Variants in APBA2 observed in about 807,000 individuals in gnomAD.
APBA2 encodes the protein amyloid-beta A4 precursor protein-binding family A member 2.
A neutral mutation model predicts 75.0 loss-of-function variants in APBA2; 30 were observed. The observed-to-expected ratio is 0.40, with a 90% CI of 0.30 to 0.54. APBA2 has a LOEUF of 0.54. Among genes scored for constraint, APBA2 ranks in the 20% least tolerant of loss-of-function variants. APBA2 has a pLI of 0.49. For synonymous variants in APBA2, 444 were observed against 409.6 expected (o/e 1.08, Z -1.01); for missense variants, 801 against 1,016.1 (o/e 0.79, Z 2.88).
At chr15:29,107,680 C>G (rs1191152122) in intron 12 of APBA2, among the ~76,000 whole-genome samples, 1 of 152,124 alleles carries the variant, frequency 6.6e-6, no homozygotes, top group African/African-American at 2.4e-5. Flanking sequence ...TGAGGCCCCC[C>G]CTCCCAGGGC....
intron 1 of APBA2, among the ~76,000 whole-genome samples, chr15:28,904,141 G>A (rs1487558996): frequency 6.6e-6 from 1 of 152,090 alleles, no homozygotes; most frequent in African/African-American, 2.4e-5. Context: ...TCATTGTATT[G>A]GAAAACAGAG....
At chr15:29,048,159 C>T (rs1403279201) in intron 3 of APBA2, among the ~76,000 whole-genome samples, 2 of 151,948 alleles carry the variant, frequency 1.3e-5, no homozygotes, top group Admixed American at 6.6e-5. Context: ...CCAACCCGGC[C>T]AACATGGCAA....
intron 3 of APBA2, among the ~76,000 whole-genome samples, chr15:29,012,075 C>T (rs570567732): frequency 2.2e-4 from 34 of 152,308 alleles, no homozygotes; most frequent in African/African-American, 7.5e-4. Flanking sequence ...CTGTTGTTAA[C>T]ATCTCACATT....
intron 14 of APBA2, among the ~76,000 whole-genome samples, chr15:29,116,552 C>T (rs143531657): frequency 0.053 from 7,941 of 150,322 alleles, 779 homozygotes; most frequent in African/African-American, 0.19. Context: ...GACATGAACC[C>T]GGGGGGCAGA....
chr15:29,106,330 A>G (rs1282275076), intron 11 of APBA2, among the ~76,000 whole-genome samples: 2 of 149,776 alleles, frequency 1.3e-5, no homozygotes, highest in South Asian at 2.1e-4. Flanking sequence ...GTTGGGGTCA[A>G]TGCCAGGCAC....
At position 29,054,089 on chromosome 15, in the gene APBA2, G is replaced by A. The variant is rs780907005; in HGVS notation, c.205G>A (p.Asp69Asn). Residue 69 changes from aspartate to asparagine, a missense_variant, in exon 4 of 15, where the codon GAT becomes AAT. Physicochemically the swap from Asp to Asn is conservative, Grantham distance 23 (BLOSUM62 1). Transcript: ENST00000683413. The surrounding 1 kb of genome is among the most constrained non-coding windows in gnomAD (Gnocchi z 6.1). ...EEQECHNHSPDGDSSSDYVNN... is the reference protein window; with the variant it reads ...EEQECHNHSPNGDSSSDYVNN... ...ACAGGAGTGCCACAACCACAGCCCC[G>A]ATGGGGACTCCAGCTCTGACTACGT... The A allele has an allele frequency of 6.8e-6, 11 of 1,613,978 alleles. No homozygotes were observed. Among genetic ancestry groups the A allele is most frequent in the Middle Eastern group, 1.7e-4 (1 of 6,018 alleles).
At chr15:29,012,155 A>T (rs2039434154) in intron 3 of APBA2, among the ~76,000 whole-genome samples, 1 of 152,218 alleles carries the variant, frequency 6.6e-6, no homozygotes, top group African/African-American at 2.4e-5. Flanking sequence ...TCCATACTTC[A>T]TTCACATTTT....
intron 2 of APBA2, among the ~76,000 whole-genome samples, chr15:28,971,194 T>C (rs2152752030): frequency 6.6e-6 from 1 of 152,272 alleles, no homozygotes; most frequent in Admixed American, 6.5e-5. Context: ...TTGTTTTTAT[T>C]CTATTTCTTT....
At chr15:29,088,523 G>A (rs1215592781) in intron 6 of APBA2, among the ~76,000 whole-genome samples, 1 of 152,190 alleles carries the variant, frequency 6.6e-6, no homozygotes. Context: ...TCTTCTCTCA[G>A]ACTCCAGTCC....
chr15:28,892,350 C>T (rs181588364), intron 1 of APBA2, among the ~76,000 whole-genome samples: 25 of 152,350 alleles, frequency 1.6e-4, no homozygotes, highest in African/African-American at 4.1e-4. Context: ...GCTGGGATTA[C>T]AGGCGTGAGC....
chr15:28,964,140 A>G (rs527896623), intron 2 of APBA2, among the ~76,000 whole-genome samples: 1 of 152,326 alleles, frequency 6.6e-6, no homozygotes, highest in South Asian at 2.1e-4. Context: ...ACAAGTTTCT[A>G]TGTGAAAACA....
rs113038222 is a variant in APBA2, at chr15:28,994,655, A to G, written c.-94-1098A>G. Among the ~76,000 whole-genome samples the G allele has an allele frequency of 3.1e-4, 47 of 152,236 alleles. 1 individual carries two copies. The highest frequency in any genetic ancestry group is 1.2e-3 in the Admixed American group (19 of 15,294). ...CCCTGGGCCATTTTGGGTGGAGGAAATTTCGTAATTATAACCCTCTGCTAG... is the reference window on the plus strand; with the variant it reads ...CCCTGGGCCATTTTGGGTGGAGGAAGTTTCGTAATTATAACCCTCTGCTAG... On this transcript the variant is annotated intron_variant, in intron 2 of 14. Coordinates refer to ENST00000683413, the MANE Select transcript of APBA2 (RefSeq NM_001353788.2).
chr15:29,058,434 C>T (rs1273533033), intron 4 of APBA2, among the ~76,000 whole-genome samples: 2 of 152,018 alleles, frequency 1.3e-5, no homozygotes, highest in Non-Finnish European at 2.9e-5. Flanking sequence ...TCGCTTGAGC[C>T]TGGGAGGCAG....
At chr15:29,101,873 G>C (rs1225194078) in intron 10 of APBA2, 89 bp downstream of exon 10, 3 of 1,338,006 alleles carry the variant, frequency 2.2e-6, no homozygotes, top group Non-Finnish European at 3.2e-6. Flanking sequence ...ACCACCCTCA[G>C]GTGGAAAGCC....
chr15:29,050,391 A>G (rs1240222232), intron 3 of APBA2, among the ~76,000 whole-genome samples: 1 of 152,226 alleles, frequency 6.6e-6, no homozygotes, highest in Non-Finnish European at 1.5e-5. Flanking sequence ...ATGAAATCCC[A>G]CTAAATAGTT....
At chr15:28,954,913 G>A (rs1392998253) in intron 2 of APBA2, among the ~76,000 whole-genome samples, 2 of 152,074 alleles carry the variant, frequency 1.3e-5, no homozygotes, top group Admixed American at 6.5e-5. Flanking sequence ...GTCCAGGAGG[G>A]TCCCTCACTC....
Position 28,987,729 on chromosome 15 carries a change from GATATATATAT to G in APBA2, c.-94-8009_-94-8000del, listed in dbSNP as rs146348050. 5.0e-4 allele frequency among the ~76,000 whole-genome samples: 53 copies of G among 106,246 alleles called. 1 individual carries two copies. In the East Asian group the frequency reaches 0.01, roughly 20 times the overall value. 69.7% of individuals were successfully genotyped at this position (106,246 alleles called of 152,430 possible). Reference sequence around the variant, plus strand: ...GAGTGTCAAAGAATATGTGGAGAGAGATATATATATATATATATATATATTCTTTTTTTTT... The same window carrying G: ...GAGTGTCAAAGAATATGTGGAGAGAGATATATATATATATTCTTTTTTTTT... On this transcript the variant is annotated intron_variant, in intron 2 of 14. Transcript: ENST00000683413.
At chr15:29,070,269 A>G (rs1196754815) in intron 4 of APBA2, among the ~76,000 whole-genome samples, 2 of 152,226 alleles carry the variant, frequency 1.3e-5, no homozygotes, top group African/African-American at 4.8e-5. Context: ...AAGCAATTGA[A>G]AAAATAAGTT....
At position 29,059,952 on chromosome 15, in the gene APBA2, T is replaced by C. The variant is rs2042060446; in HGVS notation, c.951+5117T>C. 2.0e-5 allele frequency among the ~76,000 whole-genome samples: 3 copies of C among 152,094 alleles called. 1 individual carries two copies. Among genetic ancestry groups the C allele is most frequent in the South Asian group, 4.1e-4 (2 of 4,830 alleles). ...CAGCCTGGCCAGTGCTTCCCAAACA[T>C]GGTGTATCAGCAAGCCCTTTTCCCT... is the stretch of plus-strand genomic sequence containing the variant. On this transcript the variant is annotated intron_variant, in intron 4 of 14. Coordinates refer to ENST00000683413, the MANE Select transcript of APBA2 (RefSeq NM_001353788.2).
Sources: gnomAD v4.1 joint callset for allele counts (sites outside exome capture counted in the v4.1 genomes callset) on GRCh38, gnomAD v4.1.1 for gene constraint, Gnocchi (gnomAD v3.1) non-coding constraint, MANE v1.5 for transcripts, NCBI Gene and HGNC (gene_info 2026-07-23, HGNC 2026-07-21) for gene names.